The following SEL1L variants were observed in gnomAD, a reference collection of about 807,000 sequenced individuals.
The protein encoded by SEL1L is protein sel-1 homolog 1.
SEL1L carries 52 observed loss-of-function variants against 109.8 expected under a neutral mutation model. The ratio of observed to expected loss-of-function variants is 0.47; its 90% CI spans 0.38 to 0.60. The LOEUF (loss-of-function observed/expected upper bound fraction) is 0.60, where lower values mean the gene tolerates loss of function less well. SEL1L is among the 20% of genes least tolerant of loss of function. SEL1L has a pLI of 0.00. For synonymous variants in SEL1L, 373 were observed against 339.6 expected (o/e 1.10, Z -1.08); for missense variants, 749 against 962.2 (o/e 0.78, Z 2.93).
intron 1 of SEL1L, among the ~76,000 whole-genome samples, chr14:81,532,199 C>T (rs973514780): frequency 4.6e-5 from 7 of 152,312 alleles, no homozygotes; most frequent in African/African-American, 4.8e-5. Context: ...TTAAACTCTG[C>T]CAATTAAATT....
At chr14:81,532,743 A>G (rs1885378991) in intron 1 of SEL1L, among the ~76,000 whole-genome samples, 1 of 152,234 alleles carries the variant, frequency 6.6e-6, no homozygotes, top group South Asian at 2.1e-4. Context: ...TTTATTAAAA[A>G]AAGAAAAAGC....
Position 81,476,956 on chromosome 14 carries a change from C to T in SEL1L, c.*16G>A, listed in dbSNP as rs188793434. On this transcript the variant is annotated 3_prime_UTR_variant, in exon 21 of 21. Coordinates refer to ENST00000336735, the MANE Select transcript of SEL1L (RefSeq NM_005065.6). Reference sequence around the variant, plus strand: ...CTTCCTTCGCTGTCACTGATCAAGGCTGGACCCAGTGCCTATTACTGTGGT... The same window carrying T: ...CTTCCTTCGCTGTCACTGATCAAGGTTGGACCCAGTGCCTATTACTGTGGT... 2.5e-6 allele frequency: 4 copies of T among 1,613,588 alleles called. No individual in the cohort carries two copies. The highest frequency in any genetic ancestry group is 8.5e-7 in the Non-Finnish European group (1 of 1,179,760).
intron 5 of SEL1L, among the ~76,000 whole-genome samples, chr14:81,503,872 C>T (rs1042753977): frequency 2.6e-5 from 4 of 152,100 alleles, no homozygotes; most frequent in Admixed American, 6.6e-5. Context: ...AAACAAAAAA[C>T]GTACTTGACA....
chr14:81,517,307 G>GTAGTTTTT (rs1884739058), intron 3 of SEL1L, among the ~76,000 whole-genome samples: 1 of 152,180 alleles, frequency 6.6e-6, no homozygotes, highest in South Asian at 2.1e-4. Flanking sequence ...GGTGAGGCCT[G>GTAGTTTTT]TAGTTTTTGT....
chr14:81,531,276 A>C, intron 1 of SEL1L, among the ~76,000 whole-genome samples: 1 of 152,210 alleles, frequency 6.6e-6, no homozygotes, highest in Non-Finnish European at 1.5e-5. Flanking sequence ...GTAGCATGTG[A>C]CTATATCATA....
chr14:81,490,622 C>T (rs572530253), intron 12 of SEL1L, 157 bp from the exon 13 acceptor site: 9 of 638,470 alleles, frequency 1.4e-5, no homozygotes, highest in South Asian at 8.1e-5. Flanking sequence ...AAGCAAAGGC[C>T]GGGTACAGTG....
chr14:81,531,560 T>C (rs1020555532), intron 1 of SEL1L, among the ~76,000 whole-genome samples: 1 of 152,048 alleles, frequency 6.6e-6, no homozygotes, highest in Non-Finnish European at 1.5e-5. Context: ...TTGTTTTTTT[T>C]TCTTTTTTTT....
intron 3 of SEL1L, among the ~76,000 whole-genome samples, chr14:81,508,184 T>A (rs1021676396): frequency 5.3e-5 from 8 of 152,146 alleles, no homozygotes; most frequent in Non-Finnish European, 1.0e-4. Flanking sequence ...AATACTAAAT[T>A]AAAACATACT....
rs1482400574 is a variant in SEL1L at position 81,506,229 on chromosome 14, A to G, written c.353T>C (p.Ile118Thr). The change falls in exon 4 of 21, where the codon ATT (isoleucine) becomes ACT (threonine). Residue 118 changes from isoleucine (I) to threonine (T), a missense_variant. Ile to Thr is a moderately conservative substitution (Grantham distance 89). Transcript: ENST00000336735. ...KKVRKPALTA[I>T]EGTAHGEPCH... ...GGGCTCCCCATGTGCTGTGCCTTCA[A>G]TGGCGGTCAAAGCTGGAATGACAAG... 1.4e-5 allele frequency: 23 copies of G among 1,599,100 alleles called. No individual in the cohort carries two copies. The highest frequency in any genetic ancestry group is 1.8e-5 in the Admixed American group (1 of 56,810).
At chr14:81,505,597 A>G (rs1216139968) in intron 4 of SEL1L, among the ~76,000 whole-genome samples, 1 of 152,242 alleles carries the variant, frequency 6.6e-6, no homozygotes, top group Non-Finnish European at 1.5e-5. Flanking sequence ...TCCTGAAAAT[A>G]GCTTTCCTTA....
At position 81,523,432 on chromosome 14, in the gene SEL1L, C is replaced by T. The variant is rs1001369859; in HGVS notation, c.340+3301G>A. Among the ~76,000 whole-genome samples, 3 of 152,054 alleles carry T rather than the reference C, an allele frequency of 2.0e-5. 1 individual carries two copies. Among genetic ancestry groups the T allele is most frequent in the South Asian group, 4.1e-4 (2 of 4,824 alleles). On this transcript the variant is annotated intron_variant, in intron 3 of 20. Transcript: ENST00000336735. Reference sequence around the variant, plus strand: ...GATCAGAGTGGGCATGGAAGCTCTGCAGTCCTTCTCCCATACCTTGCCCTA... The same window carrying T: ...GATCAGAGTGGGCATGGAAGCTCTGTAGTCCTTCTCCCATACCTTGCCCTA...
At chr14:81,507,694 A>G (rs1595523002) in intron 3 of SEL1L, among the ~76,000 whole-genome samples, 1 of 152,110 alleles carries the variant, frequency 6.6e-6, no homozygotes, top group Middle Eastern at 3.4e-3. Flanking sequence ...CAGTACACAG[A>G]TAACACTTGA....
intron 1 of SEL1L, among the ~76,000 whole-genome samples, chr14:81,529,320 GTAAT>G (rs1229018297): frequency 3.3e-5 from 5 of 152,246 alleles, no homozygotes; most frequent in African/African-American, 9.6e-5. Flanking sequence ...GTAAGTATAT[GTAAT>G]TAATCACAAA....
At chr14:81,510,496 CTCTCTCTCTCTCTCTCTCTA>C (rs1156595060) in intron 3 of SEL1L, among the ~76,000 whole-genome samples, 14 of 124,126 alleles carry the variant, frequency 1.1e-4, no homozygotes, top group Non-Finnish European at 2.1e-4. Context: ...CTCTCTCTCT[CTCTCTCTCTCTCTCTCTCTA>C]TATATATATA....
intron 3 of SEL1L, among the ~76,000 whole-genome samples, chr14:81,525,082 C>A (rs535498069): frequency 2.6e-4 from 40 of 151,886 alleles, no homozygotes; most frequent in Non-Finnish European, 4.6e-4. Context: ...GAGAGAGACA[C>A]AGAGATGTAA....
In SEL1L at chr14:81,471,918, C is replaced by T. The variant is rs898131739; in HGVS notation, c.*5054G>A. On this transcript the variant is annotated 3_prime_UTR_variant, in exon 21 of 21. Coordinates refer to ENST00000336735, the MANE Select transcript of SEL1L (RefSeq NM_005065.6). ...TGATTAACGCTCACTTTTTCTTATT[C>T]GTAAAAAAATACCCAAAAAGTAAAA... The T allele has an allele frequency of 2.0e-5, 3 of 152,038 alleles. No homozygotes were observed. The highest frequency in any genetic ancestry group is 4.4e-5 in the Non-Finnish European group (3 of 68,004). The allele number at this position is 152,038 out of a possible 1,614,324, so 9.4% of individuals were successfully genotyped here. A position where few individuals can be genotyped will look rare whatever the true frequency, so the allele number is the denominator to read the frequency against.
rs35474067 is a variant in SEL1L at position 81,510,514 on chromosome 14, C to CTCTATATA, written c.341-4274_341-4273insTATATAGA. 2.2e-3 allele frequency among the ~76,000 whole-genome samples: 233 copies of CTCTATATA among 104,064 alleles called. 1 individual carries two copies. Among genetic ancestry groups the CTCTATATA allele is most frequent in the East Asian group, 4.3e-3 (14 of 3,222 alleles). The allele number at this position is 104,064 out of a possible 152,430, so 68.3% of individuals were successfully genotyped here. A position where few individuals can be genotyped will look rare whatever the true frequency, so the allele number is the denominator to read the frequency against. On this transcript the variant is annotated intron_variant, in intron 3 of 20. Transcript: ENST00000336735. ...TCTCTCTCTCTCTCTCTCTCTCTCT[C>CTCTATATA]TATATATATATATATAGACAATTAA...
At chr14:81,525,759 C>G (rs182959591) in intron 3 of SEL1L, among the ~76,000 whole-genome samples, 30 of 152,240 alleles carry the variant, frequency 2.0e-4, no homozygotes, top group African/African-American at 6.7e-4. Flanking sequence ...TAGCCATTAA[C>G]TATCAAATTG....
intron 1 of SEL1L, among the ~76,000 whole-genome samples, chr14:81,531,782 A>G (rs972727087): frequency 6.6e-6 from 1 of 152,088 alleles, no homozygotes; most frequent in Admixed American, 6.5e-5. Flanking sequence ...GGCTCAAGTG[A>G]TCCTTCCACT....
Sources: gnomAD v4.1 joint callset for allele counts (sites outside exome capture counted in the v4.1 genomes callset) on GRCh38, gnomAD v4.1.1 for gene constraint, MANE v1.5 for transcripts, NCBI Gene and HGNC (gene_info 2026-07-23, HGNC 2026-07-21) for gene names.